Variants in NXPH1 observed in about 807,000 individuals in gnomAD.
NXPH1 encodes neurexophilin-1.
NXPH1 carries 5 observed loss-of-function variants against 23.7 expected under a neutral mutation model. The ratio of observed to expected loss-of-function variants is 0.21; its 90% CI spans 0.11 to 0.44. NXPH1 has a LOEUF of 0.44. Ranked by LOEUF, NXPH1 falls within the 20% of genes least tolerant of loss-of-function variation. NXPH1 has a pLI of 0.99. For synonymous variants in NXPH1, 144 were observed against 122.2 expected, an observed-to-expected ratio of 1.18 and a Z score of -1.18; for missense variants, 324 against 321.6, an observed-to-expected ratio of 1.01 and a Z score of -0.06.
chr7:8,586,027 A>G (rs1017586144), intron 2 of NXPH1, among the ~76,000 whole-genome samples: 1 of 152,184 alleles, frequency 6.6e-6, no homozygotes, highest in Non-Finnish European at 1.5e-5. Context: ...TTTACAAGTT[A>G]TCATGGAGAG....
chr7:8,539,384 C>T (rs948949830), intron 2 of NXPH1, among the ~76,000 whole-genome samples: 1 of 151,750 alleles, frequency 6.6e-6, no homozygotes, highest in Non-Finnish European at 1.5e-5. Context: ...ACTGTCTTTT[C>T]TTGTAAGCAT....
intron 2 of NXPH1, among the ~76,000 whole-genome samples, chr7:8,570,202 G>A (rs1818618745): frequency 6.6e-6 from 1 of 151,862 alleles, no homozygotes; most frequent in Non-Finnish European, 1.5e-5. Context: ...TTGATGTTTT[G>A]TTGATATAAA....
intron 2 of NXPH1, among the ~76,000 whole-genome samples, chr7:8,594,762 C>G (rs1226947684): frequency 6.6e-6 from 1 of 151,982 alleles, no homozygotes; most frequent in African/African-American, 2.4e-5. Context: ...GAAGATTCTA[C>G]TTAATAGAAA....
intron 2 of NXPH1, among the ~76,000 whole-genome samples, chr7:8,466,132 C>G (rs7798615): frequency 6.6e-6 from 1 of 151,892 alleles, no homozygotes; most frequent in African/African-American, 2.4e-5. Context: ...TTTGTGAGTA[C>G]CTTGAAAAGT....
At chr7:8,506,043 C>T (rs1314642738) in intron 2 of NXPH1, among the ~76,000 whole-genome samples, 3 of 152,058 alleles carry the variant, frequency 2.0e-5, no homozygotes, top group Non-Finnish European at 2.9e-5. Context: ...AAGAGTTTCA[C>T]AGTTTTAGAG....
At chr7:8,458,854 T>C (rs965332379) in intron 2 of NXPH1, among the ~76,000 whole-genome samples, 1 of 152,148 alleles carries the variant, frequency 6.6e-6, no homozygotes, top group Admixed American at 6.5e-5. Context: ...GTTGAAATGA[T>C]CTTGATAGAA....
At chr7:8,641,817 G>T (rs1254270954) in intron 2 of NXPH1, among the ~76,000 whole-genome samples, 1 of 151,692 alleles carries the variant, frequency 6.6e-6, no homozygotes, top group African/African-American at 2.4e-5. Context: ...CAACCTTTTT[G>T]TCCTTATTTG....
In NXPH1 at chr7:8,683,892, C is replaced by A. The variant is rs115710269; in HGVS notation, c.55-67116C>A. Among the ~76,000 whole-genome samples the A allele has an allele frequency of 9.3e-3, 1,411 of 152,122 alleles. 14 individuals carry two copies. Among genetic ancestry groups the A allele is most frequent in the African/African-American group, 0.032 (1,320 of 41,502 alleles). ...AATGCCCAGGAAGCTAGAGACATTGCTATAAAATGATAATTATAAGAATTC... is the reference window on the plus strand; with the variant it reads ...AATGCCCAGGAAGCTAGAGACATTGATATAAAATGATAATTATAAGAATTC... On this transcript the variant is annotated intron_variant, in intron 2 of 2. Transcript: ENST00000405863.
chr7:8,656,458 A>G (rs1175362297), intron 2 of NXPH1, among the ~76,000 whole-genome samples: 1 of 151,786 alleles, frequency 6.6e-6, no homozygotes, highest in African/African-American at 2.4e-5. Flanking sequence ...ACTCAAAGAA[A>G]TGATGCAACT....
intron 2 of NXPH1, among the ~76,000 whole-genome samples, chr7:8,687,248 G>A (rs960529405): frequency 6.6e-6 from 1 of 152,068 alleles, no homozygotes; most frequent in African/African-American, 2.4e-5. Context: ...GGGTTGTAGA[G>A]GATTGGGCAC....
At chr7:8,478,854 CAAAG>C (rs146632603) in intron 2 of NXPH1, among the ~76,000 whole-genome samples, 5,360 of 151,896 alleles carry the variant, frequency 0.035, 309 homozygotes, top group African/African-American at 0.12. Flanking sequence ...TTAAGAAATT[CAAAG>C]AAAGAAAATA....
At chr7:8,664,672 C>T (rs761523855) in intron 2 of NXPH1, among the ~76,000 whole-genome samples, 1 of 151,994 alleles carries the variant, frequency 6.6e-6, no homozygotes, top group Non-Finnish European at 1.5e-5. Context: ...TCTTTTTTCT[C>T]ACCTCGTCAC....
At chr7:8,695,520 G>A (rs1425048099) in intron 2 of NXPH1, among the ~76,000 whole-genome samples, 2 of 152,138 alleles carry the variant, frequency 1.3e-5, no homozygotes, top group African/African-American at 4.8e-5. Context: ...TTACTTATCA[G>A]ATTGCCATCA....
chr7:8,510,728 A>G (rs1817596870), intron 2 of NXPH1, among the ~76,000 whole-genome samples: 1 of 151,908 alleles, frequency 6.6e-6, no homozygotes, highest in African/African-American at 2.4e-5. Context: ...GCGTATGTTC[A>G]TAATGTATGT....
intron 2 of NXPH1, among the ~76,000 whole-genome samples, chr7:8,735,993 A>G (rs538421397): frequency 6.6e-6 from 1 of 152,092 alleles, no homozygotes; most frequent in Non-Finnish European, 1.5e-5. Context: ...CCCCTTTATC[A>G]TTTTTATTGT....
chr7:8,718,237 T>A (rs1440907532), intron 2 of NXPH1, among the ~76,000 whole-genome samples: 1 of 152,216 alleles, frequency 6.6e-6, no homozygotes, highest in Admixed American at 6.5e-5. Context: ...GATTAAAACA[T>A]AGTTATGTGG....
chr7:8,570,476 T>C (rs1818622961), intron 2 of NXPH1, among the ~76,000 whole-genome samples: 1 of 151,992 alleles, frequency 6.6e-6, no homozygotes, highest in African/African-American at 2.4e-5. Flanking sequence ...CAGTAATTAG[T>C]AAATAATGAG....
intron 2 of NXPH1, among the ~76,000 whole-genome samples, chr7:8,742,519 G>A (rs1780384296): frequency 6.9e-6 from 1 of 143,896 alleles, no homozygotes; most frequent in Non-Finnish European, 1.6e-5. Context: ...ATAAAATACA[G>A]GTGATATATC....
intron 2 of NXPH1, among the ~76,000 whole-genome samples, chr7:8,501,663 C>G (rs1412582599): frequency 1.3e-5 from 2 of 152,006 alleles, no homozygotes; most frequent in Non-Finnish European, 2.9e-5. Context: ...AATGGTGTAG[C>G]AATTTTAGGG....
Sources: allele counts gnomAD v4.1 joint callset (sites outside exome capture counted in the v4.1 genomes callset), GRCh38; gene constraint gnomAD v4.1.1; transcripts MANE v1.5; gene names NCBI Gene and HGNC (gene_info 2026-07-23, HGNC 2026-07-21).